The following CNTNAP4 variants were observed in gnomAD, a reference collection of about 807,000 sequenced individuals.
CNTNAP4 encodes contactin-associated protein-like 4.
A neutral mutation model predicts 148.4 loss-of-function variants in CNTNAP4; 98 were observed. The ratio of observed to expected loss-of-function variants is 0.66; its 90% CI spans 0.56 to 0.78. CNTNAP4 has a LOEUF of 0.78. CNTNAP4 is among the 30% of genes least tolerant of loss of function. The pLI, the probability that CNTNAP4 is intolerant of heterozygous loss-of-function variation, is 0.00. For synonymous variants in CNTNAP4, 730 were observed against 565.1 expected (o/e 1.29, Z -4.14); for missense variants, 1,935 against 1,565.6 (o/e 1.24, Z -3.98).
At chr16:76,473,831 G>T (rs1225178327) in intron 10 of CNTNAP4, among the ~76,000 whole-genome samples, 1 of 59,146 alleles carries the variant, frequency 1.7e-5, no homozygotes, top group Non-Finnish European at 3.1e-5. Context: ...TTCTTGGCAG[G>T]TTTTGTAGGT....
intron 6 of CNTNAP4, 70 bp downstream of exon 6, chr16:76,449,021 T>C: frequency 7.1e-7 from 1 of 1,413,792 alleles, no homozygotes; most frequent in Non-Finnish European, 9.8e-7. Context: ...CAGAGGAAAA[T>C]ACACTATAAA....
At chr16:76,304,002 T>C (rs1221159558) in intron 1 of CNTNAP4, among the ~76,000 whole-genome samples, 4 of 152,152 alleles carry the variant, frequency 2.6e-5, no homozygotes, top group Non-Finnish European at 1.5e-5. Context: ...TTTTATTCAG[T>C]TCACTTTTAT....
intron 2 of CNTNAP4, among the ~76,000 whole-genome samples, chr16:76,317,727 A>T (rs199820168): frequency 6.9e-6 from 1 of 145,854 alleles, no homozygotes; most frequent in African/African-American, 2.5e-5. Flanking sequence ...GTGTGTGTGT[A>T]TGTGTGTGTG....
At chr16:76,290,817 C>T (rs758323517) in intron 1 of CNTNAP4, among the ~76,000 whole-genome samples, 2 of 152,188 alleles carry the variant, frequency 1.3e-5, no homozygotes, top group Non-Finnish European at 2.9e-5. Context: ...GTGGCTTAAA[C>T]AATGTACATT....
At chr16:76,387,988 A>G (rs932192575) in intron 3 of CNTNAP4, among the ~76,000 whole-genome samples, 9 of 152,182 alleles carry the variant, frequency 5.9e-5, no homozygotes, top group Non-Finnish European at 1.3e-4. Flanking sequence ...CTGAAACCCA[A>G]TACTATGTAA....
intron 17 of CNTNAP4, among the ~76,000 whole-genome samples, chr16:76,530,179 CAA>C (rs1355047810): frequency 2.0e-5 from 3 of 151,902 alleles, no homozygotes; most frequent in Non-Finnish European, 4.4e-5. Context: ...TGAATGGACA[CAA>C]GTTATTAATT....
intron 2 of CNTNAP4, among the ~76,000 whole-genome samples, chr16:76,328,189 A>G (rs1032957693): frequency 6.6e-6 from 1 of 152,232 alleles, no homozygotes; most frequent in African/African-American, 2.4e-5. Flanking sequence ...GAAATCTGAC[A>G]AACACCACCT....
At chr16:76,344,898 C>G (rs940704037) in intron 2 of CNTNAP4, among the ~76,000 whole-genome samples, 2 of 152,176 alleles carry the variant, frequency 1.3e-5, no homozygotes, top group African/African-American at 4.8e-5. Context: ...GATGTCATGG[C>G]ACGGTTAGAT....
chr16:76,312,464 T>A (rs539970048), intron 1 of CNTNAP4, among the ~76,000 whole-genome samples: 1 of 152,274 alleles, frequency 6.6e-6, no homozygotes, highest in East Asian at 1.9e-4. Context: ...AATCCACAAT[T>A]CCAAATTTAA....
intron 3 of CNTNAP4, among the ~76,000 whole-genome samples, chr16:76,406,985 T>A (rs1036856063): frequency 6.6e-6 from 1 of 152,166 alleles, no homozygotes; most frequent in South Asian, 2.1e-4. Flanking sequence ...TGAAACAGCC[T>A]TCTATTGGAA....
At chr16:76,460,072 C>T (rs368717940) in intron 8 of CNTNAP4, among the ~76,000 whole-genome samples, 1 of 151,998 alleles carries the variant, frequency 6.6e-6, no homozygotes, top group Non-Finnish European at 1.5e-5. Flanking sequence ...ATTAAAAAAA[C>T]TTTTTATTTG....
Position 76,315,047 on chromosome 16 carries a change from C to T in CNTNAP4, c.86-1366C>T, listed in dbSNP as rs553008769. Among the ~76,000 whole-genome samples the T allele has an allele frequency of 9.1e-4, 139 of 152,046 alleles. 1 individual carries two copies. Among genetic ancestry groups the T allele is most frequent in the African/African-American group, 3.2e-3 (134 of 41,422 alleles). ...TTGATTTTGTTTTCCTCAAAAATGT[C>T]GCTTCTAAGATTCAACTATTTTGTT... On this transcript the variant is annotated intron_variant, in intron 1 of 23. Coordinates refer to ENST00000611870, the MANE Select transcript of CNTNAP4 (RefSeq NM_033401.5).
chr16:76,376,728 C>T (rs1032126616), intron 3 of CNTNAP4, among the ~76,000 whole-genome samples: 2 of 152,112 alleles, frequency 1.3e-5, no homozygotes, highest in African/African-American at 4.8e-5. Context: ...TTGGAATCCA[C>T]AGGGATACTG....
intron 3 of CNTNAP4, among the ~76,000 whole-genome samples, chr16:76,413,169 C>T (rs2078857166): frequency 6.6e-6 from 1 of 150,948 alleles, no homozygotes. Flanking sequence ...CTATAGTCAC[C>T]CTGTTGTGCT....
chr16:76,390,740 C>G (rs1013817735), intron 3 of CNTNAP4, among the ~76,000 whole-genome samples: 1 of 152,120 alleles, frequency 6.6e-6, no homozygotes, highest in Non-Finnish European at 1.5e-5. Context: ...TTATTTCATC[C>G]TTAGTCCTCT....
At chr16:76,468,640 A>C (rs181085210) in intron 10 of CNTNAP4, among the ~76,000 whole-genome samples, 4 of 152,174 alleles carry the variant, frequency 2.6e-5, no homozygotes, top group Admixed American at 2.6e-4. Context: ...ACACAACACC[A>C]GGCCTAGCTA....
rs149553229 is a variant in CNTNAP4 at position 76,413,918 on chromosome 16, T to C, written c.391-13534T>C. Among the ~76,000 whole-genome samples the C allele has an allele frequency of 1.2e-3, 177 of 151,428 alleles. 2 individuals are homozygous for C. The East Asian group carries it at 0.027, about 23-fold the overall frequency. On this transcript the variant is annotated intron_variant, in intron 3 of 23. Coordinates refer to ENST00000611870, the MANE Select transcript of CNTNAP4 (RefSeq NM_033401.5). ...TATAAATGTTTAATTCATTTTTATATATAGACTTTTATCTAACAGACTTGC... is the reference window on the plus strand; with the variant it reads ...TATAAATGTTTAATTCATTTTTATACATAGACTTTTATCTAACAGACTTGC...
chr16:76,345,138 C>G (rs1439581012), intron 2 of CNTNAP4, among the ~76,000 whole-genome samples: 1 of 152,188 alleles, frequency 6.6e-6, no homozygotes, highest in Non-Finnish European at 1.5e-5. Context: ...GTTGGCTATT[C>G]AGAGTTCCTG....
chr16:76,366,479 G>T (rs2144591237), intron 3 of CNTNAP4, among the ~76,000 whole-genome samples: 1 of 152,218 alleles, frequency 6.6e-6, no homozygotes, highest in Middle Eastern at 3.4e-3. Context: ...TTTTCTTACG[G>T]CTGCATAGTA....
Sources: gnomAD v4.1 joint callset for allele counts (sites outside exome capture counted in the v4.1 genomes callset) on GRCh38, gnomAD v4.1.1 for gene constraint, MANE v1.5 for transcripts, NCBI Gene and HGNC (gene_info 2026-07-23, HGNC 2026-07-21) for gene names.